The following ANKRD55 variants were observed in gnomAD, a reference collection of about 807,000 sequenced individuals.
ANKRD55 encodes ankyrin repeat domain 55.
ANKRD55 carries 41 observed loss-of-function variants against 60.6 expected under a neutral mutation model. That is an observed-to-expected ratio of 0.68 (90% CI 0.53 to 0.88). The LOEUF is 0.88. Among genes scored for constraint, ANKRD55 ranks in the 40% least tolerant of loss-of-function variants. ANKRD55 has a pLI of 0.00. For synonymous variants in ANKRD55, 264 were observed against 290.3 expected (o/e 0.91, Z 0.92); for missense variants, 732 against 767.6 (o/e 0.95, Z 0.55).
chr5:56,217,665 C>G (rs113681333), intron 2 of ANKRD55, among the ~76,000 whole-genome samples: 1 of 152,020 alleles, frequency 6.6e-6, no homozygotes, highest in South Asian at 2.1e-4. Context: ...GAGGCCAAGG[C>G]GGGTGTATCA....
intron 6 of ANKRD55, among the ~76,000 whole-genome samples, chr5:56,152,630 C>T (rs1309500234): frequency 6.6e-6 from 1 of 152,168 alleles, no homozygotes; most frequent in Non-Finnish European, 1.5e-5. Flanking sequence ...AATGATTCTT[C>T]TGAGGTCCTG....
At chr5:56,184,377 G>A (rs568880555) in intron 2 of ANKRD55, among the ~76,000 whole-genome samples, 1 of 152,258 alleles carries the variant, frequency 6.6e-6, no homozygotes, top group East Asian at 1.9e-4. Flanking sequence ...GATGGGATTG[G>A]CTTCCCACTG....
intron 7 of ANKRD55, among the ~76,000 whole-genome samples, chr5:56,132,746 A>T (rs1757458482): frequency 6.6e-6 from 1 of 152,208 alleles, no homozygotes; most frequent in Non-Finnish European, 1.5e-5. Context: ...GAAAAATAAG[A>T]CCCAACTATA....
Position 56,192,604 on chromosome 5 carries a change from G to T in ANKRD55, c.59-8970C>A, listed in dbSNP as rs931953298. 17 of 633,670 alleles carry T rather than the reference G, an allele frequency of 2.7e-5. No individual in the cohort carries two copies. In the African/African-American group the frequency reaches 3.1e-4, roughly 11 times the overall value. The allele number at this position is 633,670 out of a possible 1,614,324, so 39.3% of individuals were successfully genotyped here. ...CCTTCCTCTATGGATCGGCAATAGG[G>T]TTTATTTTATTTTCTCAGCTACTTA... On this transcript the variant is annotated intron_variant, in intron 2 of 11. Transcript: ENST00000341048.
chr5:56,170,716 C>A lies in ANKRD55; in HGVS notation c.400G>T (p.Ala134Ser). The A allele has an allele frequency of 1.2e-6, 2 of 1,614,128 alleles. No homozygotes were observed. Among genetic ancestry groups the A allele is most frequent in the Non-Finnish European group, 1.7e-6 (2 of 1,179,986 alleles). ...DKNGRLPLHA[A>S]TAEPDMRLLT... Reference sequence around the variant, plus strand: ...TACCTCATATCGGGCTCAGCAGTGGCAGCATGCAGTGGCAGGCGGCCATTT... The same window carrying A: ...TACCTCATATCGGGCTCAGCAGTGGAAGCATGCAGTGGCAGGCGGCCATTT... The change falls in exon 5 of 12, where the codon GCC (alanine) becomes TCC (serine). Residue 134 changes from alanine to serine, a missense_variant. This residue lies in a region of ANKRD55 where 597 missense variants were observed against 607.5 expected (regional missense o/e 0.98). Transcript: ENST00000341048.
At chr5:56,119,261 T>C (rs1756971704) in intron 8 of ANKRD55, among the ~76,000 whole-genome samples, 2 of 152,352 alleles carry the variant, frequency 1.3e-5, no homozygotes, top group Admixed American at 6.5e-5. Flanking sequence ...AACAGACTGC[T>C]GATACATGCA....
At position 56,111,671 on chromosome 5, in the gene ANKRD55, T is replaced by C; in HGVS notation, c.1077A>G (p.Arg359=). The C allele has an allele frequency of 3.3e-6, 5 of 1,524,606 alleles. No homozygotes were observed. The highest frequency in any genetic ancestry group is 4.4e-6 in the Non-Finnish European group (5 of 1,141,026). 94.4% of individuals were successfully genotyped at this position (1,524,606 alleles called of 1,614,324 possible). A position where few individuals can be genotyped will look rare whatever the true frequency, so the allele number is the denominator to read the frequency against. ...CCCTGCTGGGATCCTTCTGATGGGC[T>C]CTCTGCTCTTCTTTCTTGTTTTTGC... The part of the protein sequence containing the change: ...IFCKNKKEEQ[R]AHQKDPSRDR... The change falls in exon 10 of 12, where the codon AGA becomes AGG. Residue 359 remains arginine, a synonymous_variant. Transcript: ENST00000341048.
intron 3 of ANKRD55, among the ~76,000 whole-genome samples, chr5:56,178,675 T>A (rs1034170513): frequency 4.6e-5 from 7 of 152,048 alleles, no homozygotes; most frequent in Non-Finnish European, 5.9e-5. Context: ...GCAAGACTTA[T>A]GTGGATAAGA....
Position 56,111,442 on chromosome 5 carries a change from T to G in ANKRD55, c.1306A>C (p.Ser436Arg). 6.2e-7 allele frequency: 1 copy of G among 1,614,172 alleles called. No individual in the cohort carries two copies. Among genetic ancestry groups the G allele is most frequent in the Non-Finnish European group, 8.5e-7 (1 of 1,180,018 alleles). The change falls in exon 10 of 12, where the codon AGT becomes CGT. Residue 436 changes from serine (S) to arginine (R), a missense_variant. This residue lies in a region of ANKRD55 where 597 missense variants were observed against 607.5 expected (regional missense o/e 0.98). Transcript: ENST00000341048. Reference sequence around the variant, plus strand: ...TTGCCCAGGGTGATGGGTGGGAGACTCTGCGTTCTGATTGGTGGAAGCCCC... The same window carrying G: ...TTGCCCAGGGTGATGGGTGGGAGACGCTGCGTTCTGATTGGTGGAAGCCCC... ...RKGLPPIRTQ[S>R]LPPITLGNNF...
rs541718720 is a variant in ANKRD55 at position 56,210,101 on chromosome 5, G to A, written c.58+22755C>T. ...CAGCTCACTGCAGCCTCCGCCTCCC[G>A]ATTTCAAGCTATTTTCCCACCTCAG... is the stretch of plus-strand genomic sequence containing the variant. On this transcript the variant is annotated intron_variant, in intron 2 of 11. Coordinates refer to ENST00000341048, the MANE Select transcript of ANKRD55 (RefSeq NM_024669.3). Among the ~76,000 whole-genome samples the A allele has an allele frequency of 1.1e-4, 17 of 152,108 alleles. No individual in the cohort carries two copies. In the South Asian group the frequency reaches 2.7e-3, roughly 24 times the overall value.
rs184841828 is a variant in ANKRD55, at chr5:56,146,503, T to C, written c.484-2574A>G. On this transcript the variant is annotated intron_variant, in intron 6 of 11. Transcript: ENST00000341048. Reference sequence around the variant, plus strand: ...TTTCACCATGTTGGCCAGGCTGGTCTCGAGCTCCTGACCTTAGCAGCCCAC... The same window carrying C: ...TTTCACCATGTTGGCCAGGCTGGTCCCGAGCTCCTGACCTTAGCAGCCCAC... Among the ~76,000 whole-genome samples the C allele has an allele frequency of 5.3e-5, 8 of 152,242 alleles. No individual in the cohort carries two copies. In the East Asian group the frequency reaches 1.5e-3, roughly 29 times the overall value.
chr5:56,135,463 A>G (rs1191913159), intron 7 of ANKRD55, among the ~76,000 whole-genome samples: 2 of 151,222 alleles, frequency 1.3e-5, no homozygotes, highest in Non-Finnish European at 2.9e-5. Context: ...TCCGCCTCCC[A>G]GGTTCAAGCG....
rs1303016420 is a variant in ANKRD55 at position 56,135,314 on chromosome 5, T to G, written c.613-8208A>C. On this transcript the variant is annotated intron_variant, in intron 7 of 11. Transcript: ENST00000341048. ...TGCTTGCTTTCTTTCTTTCTTTCTT[T>G]CTTTCTTTCTTTCTTTCTTTCTTTC... Among the ~76,000 whole-genome samples, 55 of 12,850 alleles carry G rather than the reference T, an allele frequency of 4.3e-3. 2 individuals are homozygous for G. The highest frequency in any genetic ancestry group is 6.4e-3 in the Non-Finnish European group (42 of 6,606). The allele number at this position is 12,850 out of a possible 152,430, so 8.4% of individuals were successfully genotyped here.
chr5:56,194,783 A>C lies in ANKRD55; in HGVS notation c.59-11149T>G, dbSNP rs187767618. Among the ~76,000 whole-genome samples the C allele has an allele frequency of 2.6e-5, 4 of 152,302 alleles. No homozygotes were observed. The East Asian group carries it at 7.7e-4, about 29-fold the overall frequency. The stretch of plus-strand genomic sequence containing the variant: ...TTATGGGTGACTAATAATAAATTTA[A>C]TGCTATTTGAGGATGCTTTTCTTGT... On this transcript the variant is annotated intron_variant, in intron 2 of 11. Transcript: ENST00000341048.
intron 3 of ANKRD55, among the ~76,000 whole-genome samples, chr5:56,182,015 A>G (rs1227818019): frequency 6.6e-6 from 1 of 152,186 alleles, no homozygotes; most frequent in African/African-American, 2.4e-5. Context: ...TGGTTTTGAT[A>G]GTGAAGTAAT....
chr5:56,210,187 T>A (rs998938253), intron 2 of ANKRD55, among the ~76,000 whole-genome samples: 1 of 152,156 alleles, frequency 6.6e-6, no homozygotes, highest in African/African-American at 2.4e-5. Context: ...CATTTTTTTC[T>A]TTTATTCCTG....
At position 56,176,364 on chromosome 5, in the gene ANKRD55, T is replaced by G; in HGVS notation, c.182-82A>C. 1.9e-6 allele frequency: 3 copies of G among 1,552,264 alleles called. No homozygotes were observed. In the South Asian group the frequency reaches 3.4e-5, roughly 18 times the overall value. On this transcript the variant is annotated intron_variant, in intron 3 of 11. Transcript: ENST00000341048. ...CAGGCTTTATTGGCCTGTTCATTTA[T>G]TTTGCTATTTGCAATACAAACCCAG... is the stretch of plus-strand genomic sequence containing the variant.
intron 3 of ANKRD55, among the ~76,000 whole-genome samples, chr5:56,179,642 C>T (rs1188378895): frequency 3.3e-5 from 5 of 152,128 alleles, no homozygotes; most frequent in Non-Finnish European, 1.5e-5. Context: ...GTAAAGTGTT[C>T]AAGAACTTTA....
At chr5:56,201,539 C>T (rs1314276934) in intron 2 of ANKRD55, among the ~76,000 whole-genome samples, 3 of 152,340 alleles carry the variant, frequency 2.0e-5, no homozygotes, top group Middle Eastern at 6.8e-3. Flanking sequence ...GATTCTGGCA[C>T]TGCCACTTAC....
Sources: allele counts gnomAD v4.1 joint callset (sites outside exome capture counted in the v4.1 genomes callset), GRCh38; gene constraint gnomAD v4.1.1; regional missense constraint gnomAD v4.1.1; transcripts MANE v1.5; gene names NCBI Gene and HGNC (gene_info 2026-07-23, HGNC 2026-07-21).